Variants in CLCN3 observed in about 807,000 individuals in gnomAD.
CLCN3 encodes H(+)/Cl(-) exchange transporter 3.
In CLCN3, 16 loss-of-function variants were observed where a neutral mutation model predicts 83.4. The observed-to-expected ratio is 0.19, with a 90% CI of 0.13 to 0.29. The LOEUF (loss-of-function observed/expected upper bound fraction) is 0.29. Among genes scored for constraint, CLCN3 ranks in the 10% least tolerant of loss-of-function variants. The pLI is 1.00. For synonymous variants in CLCN3, 322 were observed against 346.2 expected (o/e 0.93, Z 0.78); for missense variants, 544 against 1,006.0 (o/e 0.54, Z 6.21).
chr4:169,647,476 G>A (rs546087871), intron 2 of CLCN3, among the ~76,000 whole-genome samples: 2 of 152,264 alleles, frequency 1.3e-5, no homozygotes, highest in African/African-American at 4.8e-5. Context: ...AGGACTGAGA[G>A]AGTAGAAATA....
intron 2 of CLCN3, among the ~76,000 whole-genome samples, chr4:169,659,486 C>T (rs11933931): frequency 0.45 from 68,465 of 151,944 alleles, 15,792 homozygotes; most frequent in South Asian, 0.54. Context: ...GATAGGAAAG[C>T]CCTCTGCTTA....
chr4:169,719,013 T>C (rs1248099199), intron 12 of CLCN3, among the ~76,000 whole-genome samples: 4 of 152,230 alleles, frequency 2.6e-5, no homozygotes, highest in African/African-American at 9.6e-5. Context: ...ACTTGGATTC[T>C]TTTATAGATT....
intron 9 of CLCN3, among the ~76,000 whole-genome samples, chr4:169,703,273 A>C (rs1226904441): frequency 6.6e-6 from 1 of 152,258 alleles, no homozygotes; most frequent in African/African-American, 2.4e-5. Context: ...CAATTTGTGA[A>C]AACTGCAACA....
intron 11 of CLCN3, among the ~76,000 whole-genome samples, chr4:169,712,128 G>A (rs1299009291): frequency 2.0e-5 from 3 of 150,884 alleles, no homozygotes; most frequent in Non-Finnish European, 4.4e-5. Context: ...CTCCCAAAGT[G>A]TTAGGATTAC....
At chr4:169,681,682 A>G (rs1251920450) in intron 3 of CLCN3, among the ~76,000 whole-genome samples, 3 of 152,216 alleles carry the variant, frequency 2.0e-5, no homozygotes, top group Non-Finnish European at 4.4e-5. Flanking sequence ...TATTTACCAT[A>G]TTAGACACTG....
In CLCN3 at chr4:169,676,054, T is replaced by C. The variant is rs530030637; in HGVS notation, c.161-3996T>C. ...TTGTAATCCCCAGAGATAACCGTTA[T>C]TAATATGTTGTCTCATGTTTGGTCA... On this transcript the variant is annotated intron_variant, in intron 2 of 12. Coordinates refer to ENST00000513761, the MANE Select transcript of CLCN3 (RefSeq NM_001829.4). 2.0e-5 allele frequency among the ~76,000 whole-genome samples: 3 copies of C among 152,352 alleles called. No individual in the cohort carries two copies. The South Asian group carries it at 6.2e-4, about 32-fold the overall frequency.
intron 12 of CLCN3, among the ~76,000 whole-genome samples, chr4:169,716,284 G>T (rs1434669948): frequency 6.6e-6 from 1 of 152,032 alleles, no homozygotes; most frequent in East Asian, 1.9e-4. Flanking sequence ...AGAGATTACT[G>T]TGTAAAATTC....
In CLCN3 at chr4:169,663,560, C is replaced by T. The variant is rs552907301; in HGVS notation, c.161-16490C>T. The T allele has an allele frequency of 8.6e-5, 33 of 385,636 alleles. No individual in the cohort carries two copies. In the East Asian group the frequency reaches 2.8e-3, roughly 33 times the overall value. 23.9% of individuals were successfully genotyped at this position (385,636 alleles called of 1,614,324 possible). ...TCACTATGTTGTCCAGGCTGGTCTC[C>T]AACTCCTGGGCTCAAGCAACCCTCC... On this transcript the variant is annotated intron_variant, in intron 2 of 12. Transcript: ENST00000513761.
chr4:169,636,786 AT>A (rs1773515830), intron 2 of CLCN3, among the ~76,000 whole-genome samples: 1 of 146,962 alleles, frequency 6.8e-6, no homozygotes, highest in Admixed American at 6.8e-5. Flanking sequence ...GCCACTATGA[AT>A]TGTCATGTGC....
At chr4:169,713,387 C>T (rs1733299650) in intron 12 of CLCN3, 92 bp downstream of exon 12, 5 of 971,602 alleles carry the variant, frequency 5.1e-6, no homozygotes, top group African/African-American at 4.9e-5. Flanking sequence ...GCATGTGAGT[C>T]AGCTCCCAGG....
intron 1 of CLCN3, among the ~76,000 whole-genome samples, chr4:169,628,949 A>G (rs1300212143): frequency 6.6e-6 from 1 of 152,246 alleles, no homozygotes; most frequent in Non-Finnish European, 1.5e-5. Flanking sequence ...CTGTTATCAT[A>G]GACTACTCTG....
chr4:169,623,345 CT>C (rs1773153390), intron 1 of CLCN3, among the ~76,000 whole-genome samples: 1 of 152,162 alleles, frequency 6.6e-6, no homozygotes, highest in South Asian at 2.1e-4. Context: ...CCCGCTGCCC[CT>C]GAGGAATTTG....
chr4:169,680,888 GC>G (rs1384711243), intron 3 of CLCN3, among the ~76,000 whole-genome samples: 4 of 152,004 alleles, frequency 2.6e-5, no homozygotes, highest in Admixed American at 6.6e-5. Flanking sequence ...TCAGTCTTCT[GC>G]CCATGCTGGA....
chr4:169,644,541 C>T (rs114748365), intron 2 of CLCN3, among the ~76,000 whole-genome samples: 3,223 of 152,174 alleles, frequency 0.021, 82 homozygotes, highest in South Asian at 0.079. Flanking sequence ...CGTGCCTGGC[C>T]AATACAACAA....
rs139477491 is a variant in CLCN3 at position 169,620,578 on chromosome 4, C to T, written c.-502C>T. ...TTCGGGCTCCTGACTCCTGCCGCTTCTCTTCCCCTTCCGTGGGTCAGGGCC... is the reference window on the plus strand; with the variant it reads ...TTCGGGCTCCTGACTCCTGCCGCTTTTCTTCCCCTTCCGTGGGTCAGGGCC... On this transcript the variant is annotated 5_prime_UTR_variant, in exon 1 of 13. Transcript: ENST00000513761. The T allele has an allele frequency of 1.7e-4, 69 of 395,804 alleles. No individual in the cohort carries two copies. Among genetic ancestry groups the T allele is most frequent in the African/African-American group, 4.1e-5 (2 of 48,730 alleles). The allele number at this position is 395,804 out of a possible 1,614,324, so 24.5% of individuals were successfully genotyped here.
intron 11 of CLCN3, among the ~76,000 whole-genome samples, chr4:169,708,755 A>C (rs1733085624): frequency 6.6e-6 from 1 of 152,078 alleles, no homozygotes; most frequent in South Asian, 2.1e-4. Flanking sequence ...GAGAATATTG[A>C]GATAGGACAT....
At chr4:169,701,121 C>T (rs1732769538) in intron 9 of CLCN3, among the ~76,000 whole-genome samples, 1 of 152,222 alleles carries the variant, frequency 6.6e-6, no homozygotes, top group Non-Finnish European at 1.5e-5. Flanking sequence ...TCCTCTCAAA[C>T]CCTGCTACTG....
In CLCN3 at chr4:169,636,103, A is replaced by G; in HGVS notation, c.160+15A>G. The G allele has an allele frequency of 1.9e-6, 3 of 1,605,084 alleles. No homozygotes were observed. On this transcript the variant is annotated intron_variant, in intron 2 of 12. Transcript: ENST00000513761. ...CACTGCAGTTGGTAAGTTCAGCATG[A>G]CAGCCTAATGTTTGTATTCATGAAT...
In CLCN3 at chr4:169,636,001, G is replaced by C; in HGVS notation, c.73G>C (p.Asp25His). The part of the protein sequence containing the change: ...SYNSITSASS[D>H]EELLDGAGVI... ...CAACAGTATAACAAGTGCAAGTAGT[G>C]ATGAGGAACTTTTAGATGGAGCAGG... Residue 25 changes from aspartate (D) to histidine (H), a missense_variant, in exon 2 of 13, where the codon GAT (aspartate) becomes CAT (histidine). By Grantham distance (81) the Asp-to-His change is moderately conservative (BLOSUM62 -1). Transcript: ENST00000513761. The C allele has an allele frequency of 6.2e-7, 1 of 1,613,534 alleles. No individual in the cohort carries two copies.
Sources: gnomAD v4.1 joint callset for allele counts (sites outside exome capture counted in the v4.1 genomes callset) on GRCh38, gnomAD v4.1.1 for gene constraint, MANE v1.5 for transcripts, NCBI Gene and HGNC (gene_info 2026-07-23, HGNC 2026-07-21) for gene names.